Variants in NRXN3 observed in about 807,000 individuals in gnomAD.
NRXN3 encodes the protein neurexin III.
NRXN3 carries 32 observed loss-of-function variants against 137.6 expected under a neutral mutation model. The ratio of observed to expected loss-of-function variants is 0.23; its 90% CI spans 0.18 to 0.31. The LOEUF is 0.31. Ranked by LOEUF, NRXN3 falls within the 10% of genes least tolerant of loss-of-function variation. NRXN3 has a pLI of 1.00. For missense variants in NRXN3, 1,574 were observed against 2,062.5 expected, an observed-to-expected ratio of 0.76 and a Z score of 4.59; for synonymous variants, 798 against 784.5, an observed-to-expected ratio of 1.02 and a Z score of -0.29.
intron 15 of NRXN3, among the ~76,000 whole-genome samples, chr14:79,100,696 G>A (rs1568289367): frequency 6.6e-6 from 1 of 152,124 alleles, no homozygotes; most frequent in Non-Finnish European, 1.5e-5. Flanking sequence ...GCACCCCATG[G>A]GACTTGATGA....
At chr14:79,112,747 G>A (rs36078280) in intron 15 of NRXN3, among the ~76,000 whole-genome samples, 405 of 152,254 alleles carry the variant, frequency 2.7e-3, no homozygotes, top group Non-Finnish European at 3.8e-3. Context: ...TTGACCATAA[G>A]CAAATGAACA....
chr14:79,025,546 A>G (rs2099596694), intron 15 of NRXN3, among the ~76,000 whole-genome samples: 1 of 152,200 alleles, frequency 6.6e-6, no homozygotes, highest in Non-Finnish European at 1.5e-5. Context: ...TAAAAGGTCC[A>G]GATCAATTTT....
intron 4 of NRXN3, among the ~76,000 whole-genome samples, chr14:78,337,169 A>T (rs2081576090): frequency 6.6e-6 from 1 of 152,156 alleles, no homozygotes; most frequent in South Asian, 2.1e-4. Flanking sequence ...GGGAGGCAGC[A>T]GGCATGCCTT....
At chr14:78,338,776 C>G (rs939973577) in intron 4 of NRXN3, among the ~76,000 whole-genome samples, 3 of 152,160 alleles carry the variant, frequency 2.0e-5, no homozygotes, top group African/African-American at 7.2e-5. Context: ...TCCAGGACCA[C>G]AAAAATTAGG....
chr14:79,776,776 T>G (rs1360624736), intron 19 of NRXN3, among the ~76,000 whole-genome samples: 1 of 152,128 alleles, frequency 6.6e-6, no homozygotes, highest in Non-Finnish European at 1.5e-5. Context: ...GGAGCTTGAA[T>G]TTTTTTCCCA....
intron 16 of NRXN3, among the ~76,000 whole-genome samples, chr14:79,538,570 ACTT>A (rs2097238474): frequency 6.6e-6 from 1 of 152,184 alleles, no homozygotes; most frequent in African/African-American, 2.4e-5. Flanking sequence ...TCGTTTCCCC[ACTT>A]CTTAATGGGG....
intron 16 of NRXN3, among the ~76,000 whole-genome samples, chr14:79,532,505 C>T (rs1176155142): frequency 6.6e-6 from 1 of 152,114 alleles, no homozygotes; most frequent in Non-Finnish European, 1.5e-5. Context: ...GATAACAGGC[C>T]CCTCAGCCTA....
chr14:78,610,169 G>A (rs1209138809), intron 4 of NRXN3, among the ~76,000 whole-genome samples: 1 of 151,996 alleles, frequency 6.6e-6, no homozygotes, highest in Non-Finnish European at 1.5e-5. Context: ...AAATGATGTT[G>A]GACTAAGTCC....
chr14:79,149,484 A>C (rs1196415903), intron 15 of NRXN3, among the ~76,000 whole-genome samples: 2 of 152,126 alleles, frequency 1.3e-5, no homozygotes, highest in African/African-American at 4.8e-5. Context: ...AGAAAAAATC[A>C]AGTGCTCTAT....
At position 79,184,694 on chromosome 14, in the gene NRXN3, G is replaced by A. The variant is rs193023297; in HGVS notation, c.3262+196553G>A. 2.3e-4 allele frequency among the ~76,000 whole-genome samples: 35 copies of A among 152,302 alleles called. 1 individual carries two copies. The highest frequency in any genetic ancestry group is 3.4e-3 in the Middle Eastern group (1 of 294). ...GTAAAGAGTTTAGCACTGAGTGGCT[G>A]AGGATACGTATCAAGGGAAAATGTC... On this transcript the variant is annotated intron_variant, in intron 15 of 20. Coordinates refer to ENST00000335750, the MANE Select transcript of NRXN3 (RefSeq NM_001330195.2).
intron 4 of NRXN3, among the ~76,000 whole-genome samples, chr14:78,637,968 T>C (rs1158990566): frequency 6.6e-6 from 1 of 152,248 alleles, no homozygotes; most frequent in Non-Finnish European, 1.5e-5. Flanking sequence ...TGTAATGCAG[T>C]TGACAGCAAT....
chr14:79,106,682 T>C (rs1252437991), intron 15 of NRXN3, among the ~76,000 whole-genome samples: 1 of 152,148 alleles, frequency 6.6e-6, no homozygotes. Context: ...TAGCCATTAA[T>C]TTGGGGACTA....
intron 4 of NRXN3, among the ~76,000 whole-genome samples, chr14:78,432,128 T>G (rs2110419): frequency 0.19 from 28,491 of 152,024 alleles, 4,824 homozygotes; most frequent in African/African-American, 0.45. Context: ...TAATTTGAAA[T>G]AAAATGAATT....
chr14:78,222,002 G>A (rs898121943), intron 1 of NRXN3, among the ~76,000 whole-genome samples: 3 of 152,236 alleles, frequency 2.0e-5, no homozygotes, highest in Non-Finnish European at 4.4e-5. Flanking sequence ...GGTAAGAGCT[G>A]TGAAGAGGAA....
intron 4 of NRXN3, among the ~76,000 whole-genome samples, chr14:78,440,243 A>G (rs988568038): frequency 1.3e-5 from 2 of 151,946 alleles, no homozygotes; most frequent in Non-Finnish European, 2.9e-5. Context: ...TATCTCTCAA[A>G]CCAGACATTG....
chr14:79,166,659 A>C (rs2153080919), intron 15 of NRXN3, among the ~76,000 whole-genome samples: 1 of 151,646 alleles, frequency 6.6e-6, no homozygotes, highest in East Asian at 1.9e-4. Flanking sequence ...GGGCATTGGC[A>C]GGGTTACCAT....
chr14:78,456,190 G>A (rs963722647), intron 4 of NRXN3, among the ~76,000 whole-genome samples: 10 of 152,120 alleles, frequency 6.6e-5, no homozygotes, highest in African/African-American at 1.4e-4. Flanking sequence ...ACCCCCCTAC[G>A]ACAGTTTTTA....
intron 8 of NRXN3, among the ~76,000 whole-genome samples, chr14:78,799,498 G>C (rs2098832242): frequency 6.6e-6 from 1 of 152,106 alleles, no homozygotes; most frequent in Non-Finnish European, 1.5e-5. Context: ...ATGTTTTTCT[G>C]TCTTTTCCTG....
At chr14:78,222,199 AGTGGGAATTCTG>A (rs2063923128) in intron 1 of NRXN3, among the ~76,000 whole-genome samples, 2 of 152,192 alleles carry the variant, frequency 1.3e-5, no homozygotes, top group Admixed American at 6.5e-5. Flanking sequence ...AAATATGAAC[AGTGGGAATTCTG>A]GAGGGCACAG....
Sources: allele counts gnomAD v4.1 joint callset (sites outside exome capture counted in the v4.1 genomes callset), GRCh38; gene constraint gnomAD v4.1.1; transcripts MANE v1.5; gene names NCBI Gene and HGNC (gene_info 2026-07-23, HGNC 2026-07-21).